SUCLG2: variants seen among roughly 807,000 people sequenced by gnomAD.
SUCLG2 encodes the protein succinate--CoA ligase [GDP-forming] subunit beta, mitochondrial.
In SUCLG2, 42 loss-of-function variants were observed where a neutral mutation model predicts 47.9. The observed-to-expected ratio is 0.88, with a 90% CI of 0.69 to 1.14. The LOEUF is 1.14. Among genes scored for constraint, SUCLG2 ranks in the 50% most tolerant of loss-of-function variants. The pLI is 0.00. For missense variants in SUCLG2, 571 were observed against 525.9 expected, an observed-to-expected ratio of 1.09 and a Z score of -0.84; for synonymous variants, 195 against 197.3, an observed-to-expected ratio of 0.99 and a Z score of 0.10.
chr3:67,491,366 T>TTTA lies in SUCLG2; in HGVS notation c.1062+4431_1062+4432insTAA, dbSNP rs200056691. On this transcript the variant is annotated intron_variant, in intron 9 of 10. Coordinates refer to ENST00000307227, the MANE Select transcript of SUCLG2 (RefSeq NM_003848.4). ...TTTTATTTCTTTTTCTTTTACTTTT[T>TTTA]TTTTTTTTTTTTTTCCAGACGAAGT... Among the ~76,000 whole-genome samples the TTTA allele has an allele frequency of 9.2e-4, 134 of 145,578 alleles. 1 individual carries two copies. In the East Asian group the frequency reaches 0.024, roughly 26 times the overall value.
rs192099363 is a variant in SUCLG2 at position 67,636,133 on chromosome 3, G to A, written c.84+18370C>T. 1.2e-4 allele frequency among the ~76,000 whole-genome samples: 19 copies of A among 152,208 alleles called. No homozygotes were observed. In the East Asian group the frequency reaches 1.7e-3, roughly 14 times the overall value. On this transcript the variant is annotated intron_variant, in intron 1 of 10. Transcript: ENST00000307227. The stretch of plus-strand genomic sequence containing the variant: ...AGTTCATCCTATTAAATGACAAAGA[G>A]TCTTCACCTTAGGAGAGGAAGTCAC...
chr3:67,628,124 A>T (rs1482739976), intron 1 of SUCLG2, among the ~76,000 whole-genome samples: 5 of 152,228 alleles, frequency 3.3e-5, no homozygotes, highest in Admixed American at 2.6e-4. Context: ...TAAAAGCAGG[A>T]ATAGGAAGAC....
At chr3:67,506,100 G>A (rs1045459781) in intron 7 of SUCLG2, among the ~76,000 whole-genome samples, 3 of 152,118 alleles carry the variant, frequency 2.0e-5, no homozygotes, top group Non-Finnish European at 2.9e-5. Flanking sequence ...AAATTTTACC[G>A]TGAAATGTTC....
intron 1 of SUCLG2, among the ~76,000 whole-genome samples, chr3:67,626,447 G>C (rs1700831380): frequency 6.6e-6 from 1 of 152,022 alleles, no homozygotes; most frequent in South Asian, 2.1e-4. Context: ...TAGTGCCTCA[G>C]GGGACTACTA....
At chr3:67,456,048 C>T (rs1470450301) in intron 9 of SUCLG2, among the ~76,000 whole-genome samples, 2 of 117,762 alleles carry the variant, frequency 1.7e-5, no homozygotes, top group Admixed American at 1.0e-4. Flanking sequence ...TATTGGGATA[C>T]CAAGTGTTAA....
intron 9 of SUCLG2, among the ~76,000 whole-genome samples, chr3:67,488,220 TTTATAAAA>T (rs1404062893): frequency 6.6e-6 from 1 of 152,110 alleles, no homozygotes; most frequent in Non-Finnish European, 1.5e-5. Context: ...GGGACTACTA[TTTATAAAA>T]TAACCTAAAA....
At chr3:67,468,416 C>G (rs1704526434) in intron 9 of SUCLG2, among the ~76,000 whole-genome samples, 1 of 152,172 alleles carries the variant, frequency 6.6e-6, no homozygotes, top group African/African-American at 2.4e-5. Context: ...CTCCTTGAAC[C>G]TGGGCAGGAC....
chr3:67,471,062 T>C (rs549565537), intron 9 of SUCLG2, among the ~76,000 whole-genome samples: 17 of 152,308 alleles, frequency 1.1e-4, no homozygotes, highest in East Asian at 3.9e-4. Context: ...TTGGAGAAGA[T>C]AGAAAATATT....
chr3:67,551,185 A>G (rs1443558516), intron 2 of SUCLG2, among the ~76,000 whole-genome samples: 1 of 152,208 alleles, frequency 6.6e-6, no homozygotes, highest in Non-Finnish European at 1.5e-5. Flanking sequence ...TACAAAGTTA[A>G]AAAGGGTTAG....
At chr3:67,494,413 T>C (rs1575733796) in intron 9 of SUCLG2, among the ~76,000 whole-genome samples, 2 of 152,148 alleles carry the variant, frequency 1.3e-5, no homozygotes, top group South Asian at 4.1e-4. Flanking sequence ...GGTAGGAGGA[T>C]CACTTGAGGT....
At chr3:67,594,543 G>A (rs1708249889) in intron 2 of SUCLG2, among the ~76,000 whole-genome samples, 2 of 152,068 alleles carry the variant, frequency 1.3e-5, no homozygotes, top group Admixed American at 1.3e-4. Context: ...AGCCTTCCTT[G>A]ACTATCCTAT....
chr3:67,426,168 G>C (rs898662321), intron 9 of SUCLG2, among the ~76,000 whole-genome samples: 1 of 151,756 alleles, frequency 6.6e-6, no homozygotes, highest in Non-Finnish European at 1.5e-5. Context: ...TTTTTCTTGA[G>C]CTAAAAGAAT....
chr3:67,612,296 C>G (rs1400998405), intron 1 of SUCLG2, among the ~76,000 whole-genome samples: 2 of 151,600 alleles, frequency 1.3e-5, no homozygotes, highest in South Asian at 4.2e-4. Context: ...AAGGCTGAGG[C>G]TGCAGTGAGC....
chr3:67,476,384 T>C (rs1704756753), intron 9 of SUCLG2, among the ~76,000 whole-genome samples: 2 of 151,978 alleles, frequency 1.3e-5, no homozygotes, highest in Non-Finnish European at 2.9e-5. Flanking sequence ...ATGTGAGGGA[T>C]CAAGGTTGTG....
intron 1 of SUCLG2, among the ~76,000 whole-genome samples, chr3:67,627,365 G>T (rs540681356): frequency 6.6e-6 from 1 of 152,194 alleles, no homozygotes; most frequent in East Asian, 1.9e-4. Flanking sequence ...AATTGGAGCT[G>T]TTGCACATCT....
At chr3:67,555,510 A>G (rs1707134908) in intron 2 of SUCLG2, among the ~76,000 whole-genome samples, 1 of 152,170 alleles carries the variant, frequency 6.6e-6, no homozygotes. Flanking sequence ...TCTTTCCCAA[A>G]AACAACCAGG....
intron 9 of SUCLG2, among the ~76,000 whole-genome samples, chr3:67,494,023 G>A (rs926634017): frequency 1.9e-4 from 29 of 152,244 alleles, no homozygotes; most frequent in African/African-American, 6.0e-4. Context: ...ATACCTTGCC[G>A]TCTGTTTTGT....
chr3:67,461,415 AT>A (rs898471910), intron 9 of SUCLG2, among the ~76,000 whole-genome samples: 1 of 152,120 alleles, frequency 6.6e-6, no homozygotes, highest in Non-Finnish European at 1.5e-5. Context: ...CGAATTCCAT[AT>A]AACGGTATTG....
intron 2 of SUCLG2, among the ~76,000 whole-genome samples, chr3:67,532,114 A>C (rs1313085134): frequency 6.6e-6 from 1 of 152,140 alleles, no homozygotes; most frequent in African/African-American, 2.4e-5. Context: ...GAAAAAATTA[A>C]CTCTAATATG....
Sources: allele counts gnomAD v4.1 joint callset (sites outside exome capture counted in the v4.1 genomes callset), GRCh38; gene constraint gnomAD v4.1.1; transcripts MANE v1.5; gene names NCBI Gene and HGNC (gene_info 2026-07-23, HGNC 2026-07-21).